The following FAM107B variants were observed in gnomAD, a reference collection of about 807,000 sequenced individuals.
The protein encoded by FAM107B is protein FAM107B.
Under a neutral mutation model 31.5 loss-of-function variants are expected in FAM107B, and 21 were observed. The observed-to-expected ratio is 0.67, with a 90% CI of 0.47 to 0.96. The LOEUF (loss-of-function observed/expected upper bound fraction) is 0.96, where lower values mean the gene tolerates loss of function less well. Among genes scored for constraint, FAM107B ranks in the 40% least tolerant of loss-of-function variants. The pLI is 0.00. For missense variants in FAM107B, 452 were observed against 377.1 expected, an observed-to-expected ratio of 1.20 and a Z score of -1.64; for synonymous variants, 157 against 141.5, an observed-to-expected ratio of 1.11 and a Z score of -0.78.
chr10:14,576,404 G>A (rs1851466413), intron 2 of FAM107B, among the ~76,000 whole-genome samples: 1 of 152,114 alleles, frequency 6.6e-6, no homozygotes, highest in Non-Finnish European at 1.5e-5. Flanking sequence ...GTGGGCACCT[G>A]TCATCCCAGC....
intron 2 of FAM107B, among the ~76,000 whole-genome samples, chr10:14,570,134 A>G (rs568104728): frequency 1.3e-5 from 2 of 152,338 alleles, no homozygotes; most frequent in South Asian, 4.1e-4. Context: ...ATGTGAATGC[A>G]TACAAGGTAA....
intron 2 of FAM107B, among the ~76,000 whole-genome samples, chr10:14,571,390 C>A (rs566942464): frequency 2.9e-4 from 44 of 152,132 alleles, no homozygotes; most frequent in African/African-American, 1.1e-3. Context: ...AGAGAAAATG[C>A]ATAATTATCA....
At chr10:14,620,857 G>A (rs775942668) in intron 2 of FAM107B, among the ~76,000 whole-genome samples, 13 of 152,126 alleles carry the variant, frequency 8.5e-5, no homozygotes, top group African/African-American at 9.6e-5. Flanking sequence ...GGTCTTGTTC[G>A]ATTTCCTTAT....
chr10:14,647,351 T>C (rs1229096082), intron 2 of FAM107B, among the ~76,000 whole-genome samples: 1 of 152,134 alleles, frequency 6.6e-6, no homozygotes, highest in East Asian at 1.9e-4. Context: ...ACTAACCAAC[T>C]GGTAGGCAGA....
chr10:14,661,833 C>T (rs893824932), intron 2 of FAM107B: 1 of 152,208 alleles, frequency 6.6e-6, no homozygotes, highest in African/African-American at 2.4e-5. Flanking sequence ...TCAGCAACTT[C>T]GAATAACTGG....
chr10:14,557,890 C>T (rs1245057938), intron 2 of FAM107B, among the ~76,000 whole-genome samples: 3 of 152,212 alleles, frequency 2.0e-5, no homozygotes, highest in Non-Finnish European at 4.4e-5. Flanking sequence ...AGCTCTTACT[C>T]GATAGTTCAT....
chr10:14,531,917 T>A (rs1379453496), intron 2 of FAM107B, among the ~76,000 whole-genome samples: 1 of 152,198 alleles, frequency 6.6e-6, no homozygotes, highest in African/African-American at 2.4e-5. Context: ...CCATTCTCAG[T>A]CTACACTGAG....
chr10:14,680,647 G>A (rs2131494082), intron 1 of FAM107B, among the ~76,000 whole-genome samples: 1 of 151,404 alleles, frequency 6.6e-6, no homozygotes, highest in South Asian at 2.1e-4. Flanking sequence ...TTCCTCATCT[G>A]TGATTGTTCA....
At chr10:14,620,096 T>G (rs1852968519) in intron 2 of FAM107B, among the ~76,000 whole-genome samples, 2 of 146,366 alleles carry the variant, frequency 1.4e-5, no homozygotes, top group Admixed American at 7.1e-5. Flanking sequence ...CTCGGCTCAC[T>G]GAAACCTCCG....
rs145461879 is a variant in FAM107B at position 14,597,034 on chromosome 10, C to T, written c.470-66519G>A. 1.4e-4 allele frequency among the ~76,000 whole-genome samples: 21 copies of T among 152,232 alleles called. 1 individual carries two copies. The East Asian group carries it at 3.9e-3, about 28-fold the overall frequency. ...GTCTGAAAATCTTTCAAGTCTAGGC[C>T]TCTCTCTTTCCGATACACTACTTTA... On this transcript the variant is annotated intron_variant, in intron 2 of 4. Transcript: ENST00000181796.
chr10:14,596,966 C>T (rs563919352), intron 2 of FAM107B, among the ~76,000 whole-genome samples: 1 of 152,144 alleles, frequency 6.6e-6, no homozygotes, highest in Non-Finnish European at 1.5e-5. Flanking sequence ...TAATGACATG[C>T]TCAAAAGTCA....
In FAM107B at chr10:14,673,423, T is replaced by A. The variant is rs1854607051; in HGVS notation, c.412-5732A>T. On this transcript the variant is annotated intron_variant, in intron 1 of 4. Coordinates refer to ENST00000181796, the MANE Select transcript of FAM107B (RefSeq NM_031453.4). ...TGTGTCTGGCTTATTTCACTTAATA[T>A]AATGTCCTCCAGGCTCATCTATGTT... is the stretch of plus-strand genomic sequence containing the variant. 2.0e-5 allele frequency among the ~76,000 whole-genome samples: 3 copies of A among 152,220 alleles called. No individual in the cohort carries two copies. The South Asian group carries it at 6.2e-4, about 31-fold the overall frequency.
intron 2 of FAM107B, among the ~76,000 whole-genome samples, chr10:14,638,266 G>A (rs1853550571): frequency 6.6e-6 from 1 of 150,830 alleles, no homozygotes; most frequent in Admixed American, 6.6e-5. Context: ...ATCTTACGTT[G>A]TGTACAGCCT....
chr10:14,693,017 C>T (rs1855178856), intron 1 of FAM107B, among the ~76,000 whole-genome samples: 1 of 152,182 alleles, frequency 6.6e-6, no homozygotes, highest in South Asian at 2.1e-4. Context: ...CACTAGGGTC[C>T]TCTGTTACTG....
Position 14,520,841 on chromosome 10 carries a change from C to T in FAM107B, c.*349G>A, listed in dbSNP as rs1453606470. ...AAAAAAGGCTCTGGGTCCCACGAAACTTGGAATGGAAGAAAAACCAAGTAG... is the reference window on the plus strand; with the variant it reads ...AAAAAAGGCTCTGGGTCCCACGAAATTTGGAATGGAAGAAAAACCAAGTAG... On this transcript the variant is annotated 3_prime_UTR_variant, in exon 5 of 5. Transcript: ENST00000181796. The T allele has an allele frequency of 4.7e-6, 1 of 213,612 alleles. No homozygotes were observed. The highest frequency in any genetic ancestry group is 9.1e-6 in the Non-Finnish European group (1 of 109,478). 13.2% of individuals were successfully genotyped at this position (213,612 alleles called of 1,614,324 possible).
intron 2 of FAM107B, among the ~76,000 whole-genome samples, chr10:14,604,711 C>T (rs1035329603): frequency 6.6e-6 from 1 of 152,090 alleles, no homozygotes; most frequent in Non-Finnish European, 1.5e-5. Flanking sequence ...GGGGCGCTCA[C>T]TCTCCTTTTT....
intron 2 of FAM107B, among the ~76,000 whole-genome samples, chr10:14,587,688 T>G (rs1851889498): frequency 6.6e-6 from 1 of 152,196 alleles, no homozygotes; most frequent in African/African-American, 2.4e-5. Flanking sequence ...CTGTCCTTGT[T>G]TTTATTCTTT....
At chr10:14,628,112 GTTTTTTTT>G (rs71505033) in intron 2 of FAM107B, among the ~76,000 whole-genome samples, 4,628 of 92,750 alleles carry the variant, frequency 0.05, 341 homozygotes, top group African/African-American at 0.15. Flanking sequence ...TGTTTTGCTG[GTTTTTTTT>G]TTTTTTTTTT....
chr10:14,551,284 A>C (rs1160232393), intron 2 of FAM107B, among the ~76,000 whole-genome samples: 5 of 152,018 alleles, frequency 3.3e-5, no homozygotes, highest in Non-Finnish European at 5.9e-5. Context: ...AGTAGCTGGG[A>C]CTACAGGCGC....
Sources: allele counts gnomAD v4.1 joint callset (sites outside exome capture counted in the v4.1 genomes callset), GRCh38; gene constraint gnomAD v4.1.1; transcripts MANE v1.5; gene names NCBI Gene and HGNC (gene_info 2026-07-23, HGNC 2026-07-21).